The following AAMDC variants were observed in gnomAD, a reference collection of about 807,000 sequenced individuals.
AAMDC encodes the protein mth938 domain-containing protein.
Under a neutral mutation model 15.5 loss-of-function variants are expected in AAMDC, and 16 were observed. That is an observed-to-expected ratio of 1.03 (90% CI 0.70 to 1.57). AAMDC has a LOEUF of 1.57. Ranked by LOEUF, AAMDC falls within the 40% of genes most tolerant of loss-of-function variation. The pLI is 0.00. For synonymous variants in AAMDC, 51 were observed against 51.6 expected (o/e 0.99, Z 0.05); for missense variants, 141 against 144.9 (o/e 0.97, Z 0.14).
chr11:77,905,044 A>C (rs929390229), downstream of AAMDC, among the ~76,000 whole-genome samples: 2 of 152,206 alleles, frequency 1.3e-5, no homozygotes, highest in Non-Finnish European at 2.9e-5. Flanking sequence ...GGGTGTGTCT[A>C]TGAGAGTGTT....
chr11:77,903,172 C>T (rs113918677), downstream of AAMDC, among the ~76,000 whole-genome samples: 3,599 of 152,306 alleles, frequency 0.024, 99 homozygotes, highest in African/African-American at 0.068. Context: ...GGACCCAGGT[C>T]CCCTGAGTCC....
rs139247032 is a variant in AAMDC, at chr11:77,878,094, T to G, written c.328+1045T>G. 4.0e-3 allele frequency among the ~76,000 whole-genome samples: 616 copies of G among 152,278 alleles called. 3 individuals are homozygous for G. The highest frequency in any genetic ancestry group is 0.021 in the East Asian group (108 of 5,188). ...AATTTCCTTCAAAGCAAGGCGCGGT[T>G]GCTCACACTTGTAATCCCAGCATTT... is the stretch of plus-strand genomic sequence containing the variant. On this transcript the variant is annotated intron_variant, in intron 5 of 5. Transcript: ENST00000304716.
At chr11:77,881,412 A>C (rs936492473) in intron 5 of AAMDC, among the ~76,000 whole-genome samples, 1 of 152,180 alleles carries the variant, frequency 6.6e-6, no homozygotes, top group African/African-American at 2.4e-5. Flanking sequence ...GATTAGGAGA[A>C]AGAAACTGCA....
chr11:77,845,275 T>G (rs1036039534), intron 2 of AAMDC, among the ~76,000 whole-genome samples: 2 of 152,188 alleles, frequency 1.3e-5, no homozygotes, highest in Non-Finnish European at 2.9e-5. Context: ...GAGTCTATAT[T>G]CTTTGTCTTC....
intron 5 of AAMDC, among the ~76,000 whole-genome samples, chr11:77,881,122 A>G (rs1951776893): frequency 6.6e-6 from 1 of 152,218 alleles, no homozygotes; most frequent in Admixed American, 6.5e-5. Context: ...ACTTGGGAGA[A>G]GGAGACAAGA....
chr11:77,862,509 T>C (rs1251044171), intron 2 of AAMDC, among the ~76,000 whole-genome samples: 2 of 152,158 alleles, frequency 1.3e-5, no homozygotes, highest in Non-Finnish European at 2.9e-5. Context: ...GAGGGCATAA[T>C]TGGGGAATAT....
chr11:77,851,599 C>T (rs1950386646), intron 2 of AAMDC: 1 of 151,964 alleles, frequency 6.6e-6, no homozygotes, highest in East Asian at 1.9e-4. Flanking sequence ...GGGCAGTTCC[C>T]TCATGAATAA....
At chr11:77,830,987 C>CAAAAAAAAAAAAA (rs59283485) in intron 1 of AAMDC, among the ~76,000 whole-genome samples, 7 of 100,504 alleles carry the variant, frequency 7.0e-5, no homozygotes, top group Admixed American at 1.1e-4. Flanking sequence ...CAAAATATAC[C>CAAAAAAAAAAAAA]AAAAAAAAAA....
chr11:77,822,689 T>C (rs1246719490), intron 1 of AAMDC, among the ~76,000 whole-genome samples: 1 of 152,290 alleles, frequency 6.6e-6, no homozygotes, highest in South Asian at 2.1e-4. Context: ...ATTTATTGCC[T>C]TGAATAGTGA....
chr11:77,893,556 C>T (rs1371425598), intron 5 of AAMDC, among the ~76,000 whole-genome samples: 1 of 152,172 alleles, frequency 6.6e-6, no homozygotes, highest in African/African-American at 2.4e-5. Flanking sequence ...GTGCAGTGAG[C>T]TGTGCCAGTC....
At position 77,842,483 on chromosome 11, in the gene AAMDC, C is replaced by G. The variant is rs1421941073; in HGVS notation, c.-14C>G. 1 of 1,610,782 alleles carries G rather than the reference C, an allele frequency of 6.2e-7. No homozygotes were observed. The highest frequency in any genetic ancestry group is 1.1e-5 in the South Asian group (1 of 90,478). On this transcript the variant is annotated 5_prime_UTR_variant, in exon 2 of 4. Transcript: ENST00000393427. ...ATATTTTTCTTTTAATTTCAGACTTCAGTGAAGTTCCTTATGACTTCCCCT... is the reference window on the plus strand; with the variant it reads ...ATATTTTTCTTTTAATTTCAGACTTGAGTGAAGTTCCTTATGACTTCCCCT...
chr11:77,903,595 A>G, downstream of AAMDC: 1 of 1,613,840 alleles, frequency 6.2e-7, no homozygotes, highest in Non-Finnish European at 8.5e-7. Context: ...AGGGGCAGCT[A>G]CATTCCACAA....
chr11:77,836,437 G>C (rs1184532761), intron 1 of AAMDC, among the ~76,000 whole-genome samples: 1 of 152,002 alleles, frequency 6.6e-6, no homozygotes, highest in Non-Finnish European at 1.5e-5. Flanking sequence ...ACAGCAAAAG[G>C]CATCCATTTC....
At chr11:77,839,063 C>G (rs1181583835) in intron 1 of AAMDC, among the ~76,000 whole-genome samples, 1 of 152,144 alleles carries the variant, frequency 6.6e-6, no homozygotes, top group Non-Finnish European at 1.5e-5. Flanking sequence ...TTCCCTTATA[C>G]TACTTTCTTT....
chr11:77,887,424 AAAT>A (rs1952061182), intron 5 of AAMDC, among the ~76,000 whole-genome samples: 1 of 152,200 alleles, frequency 6.6e-6, no homozygotes, highest in African/African-American at 2.4e-5. Context: ...ACGTATCTCA[AAAT>A]AATAAGAGCT....
At chr11:77,895,282 A>G (rs1952460958) in intron 5 of AAMDC, among the ~76,000 whole-genome samples, 1 of 152,140 alleles carries the variant, frequency 6.6e-6, no homozygotes, top group Non-Finnish European at 1.5e-5. Context: ...TTGGAGGAAT[A>G]AAGTTCCCAC....
At chr11:77,823,214 CAAAAAAAAA>C in intron 1 of AAMDC, among the ~76,000 whole-genome samples, 1 of 92,734 alleles carries the variant, frequency 1.1e-5, no homozygotes, top group South Asian at 4.1e-4. Context: ...GACTCCGTCT[CAAAAAAAAA>C]AAAAAAAAAA....
At chr11:77,855,267 C>T (rs1281846234) in intron 2 of AAMDC, 1 of 152,226 alleles carries the variant, frequency 6.6e-6, no homozygotes, top group Non-Finnish European at 1.5e-5. Flanking sequence ...CTCCTCTTTA[C>T]ATATGCAAAT....
chr11:77,846,042 A>G (rs1408535192), intron 2 of AAMDC, among the ~76,000 whole-genome samples: 1 of 151,666 alleles, frequency 6.6e-6, no homozygotes, highest in Non-Finnish European at 1.5e-5. Flanking sequence ...TTTACATAAT[A>G]TAATGTGGCA....
Sources: gnomAD v4.1 joint callset for allele counts (sites outside exome capture counted in the v4.1 genomes callset) on GRCh38, gnomAD v4.1.1 for gene constraint, MANE v1.5 for transcripts, NCBI Gene and HGNC (gene_info 2026-07-23, HGNC 2026-07-21) for gene names.